SNTG2: variants seen among roughly 807,000 people sequenced by gnomAD.
SNTG2 encodes the protein gamma-2-syntrophin.
In SNTG2, 74 loss-of-function variants were observed where a neutral mutation model predicts 70.9. The ratio of observed to expected loss-of-function variants is 1.04; its 90% CI spans 0.86 to 1.27. The LOEUF is 1.27. Ranked by LOEUF, SNTG2 falls within the 50% of genes most tolerant of loss-of-function variation. The pLI is 0.00. For missense variants in SNTG2, 717 were observed against 690.7 expected, an observed-to-expected ratio of 1.04 and a Z score of -0.43; for synonymous variants, 278 against 273.8, an observed-to-expected ratio of 1.02 and a Z score of -0.15.
chr2:1,006,174 G>A (rs183573212), intron 1 of SNTG2, among the ~76,000 whole-genome samples: 14 of 118,860 alleles, frequency 1.2e-4, no homozygotes, highest in Non-Finnish European at 6.7e-5. Flanking sequence ...GTGGTGGGGT[G>A]GGGGGAGGGA....
intron 1 of SNTG2, among the ~76,000 whole-genome samples, chr2:1,063,329 A>C (rs1406772227): frequency 5.9e-5 from 9 of 152,176 alleles, no homozygotes; most frequent in African/African-American, 2.2e-4. Flanking sequence ...AGTGGGGTGC[A>C]CAGACTTCCC....
chr2:1,043,070 C>T (rs926880198), intron 1 of SNTG2, among the ~76,000 whole-genome samples: 2 of 152,108 alleles, frequency 1.3e-5, no homozygotes, highest in Non-Finnish European at 2.9e-5. Context: ...ATTCTGACAG[C>T]TGTGAGATGA....
At chr2:1,071,916 C>G (rs1663585943) in intron 1 of SNTG2, among the ~76,000 whole-genome samples, 1 of 152,212 alleles carries the variant, frequency 6.6e-6, no homozygotes, top group Non-Finnish European at 1.5e-5. Flanking sequence ...GAGCCTAATC[C>G]ATAGCAAGGC....
intron 6 of SNTG2, among the ~76,000 whole-genome samples, chr2:1,161,876 C>T (rs1434196104): frequency 6.6e-6 from 1 of 152,034 alleles, no homozygotes; most frequent in Admixed American, 6.5e-5. Context: ...AGATCGAGAC[C>T]ATCCTGGCTA....
chr2:967,557 T>G (rs527545235), intron 1 of SNTG2, among the ~76,000 whole-genome samples: 1 of 152,338 alleles, frequency 6.6e-6, no homozygotes, highest in Admixed American at 6.5e-5. Context: ...ATAAATCCCC[T>G]TTGGTCACAA....
At chr2:1,074,785 TAA>T (rs1392086353) in intron 1 of SNTG2, among the ~76,000 whole-genome samples, 1 of 152,110 alleles carries the variant, frequency 6.6e-6, no homozygotes, top group African/African-American at 2.4e-5. Context: ...TAGCAGAACC[TAA>T]AAAAATGTAA....
At chr2:970,892 G>GA (rs1660717944) in intron 1 of SNTG2, among the ~76,000 whole-genome samples, 1 of 152,122 alleles carries the variant, frequency 6.6e-6, no homozygotes, top group Admixed American at 6.5e-5. Context: ...AAAAACACAT[G>GA]AAAAAATGCT....
intron 14 of SNTG2, among the ~76,000 whole-genome samples, chr2:1,282,243 G>GTT (rs996994516): frequency 2.4e-4 from 37 of 152,278 alleles, no homozygotes; most frequent in African/African-American, 7.0e-4. Flanking sequence ...TAGGGGAGTA[G>GTT]TTTACGTGCA....
intron 14 of SNTG2, among the ~76,000 whole-genome samples, chr2:1,307,335 TGG>T (rs1158272187): frequency 7.1e-6 from 1 of 140,816 alleles, no homozygotes. Flanking sequence ...TGTGTGTGTG[TGG>T]TGTATGAGCC....
chr2:1,109,183 G>A (rs2148241585), intron 4 of SNTG2, among the ~76,000 whole-genome samples: 1 of 152,096 alleles, frequency 6.6e-6, no homozygotes, highest in Non-Finnish European at 1.5e-5. Flanking sequence ...GGCTTGCGAA[G>A]TCCCCTAAGC....
intron 1 of SNTG2, among the ~76,000 whole-genome samples, chr2:960,364 T>G (rs2147944805): frequency 6.6e-6 from 1 of 152,356 alleles, no homozygotes; most frequent in East Asian, 1.9e-4. Flanking sequence ...CTTTGTTCTC[T>G]CCTTTGTTGG....
At chr2:1,162,045 G>A (rs950422118) in intron 6 of SNTG2, among the ~76,000 whole-genome samples, 14 of 125,260 alleles carry the variant, frequency 1.1e-4, no homozygotes, top group Non-Finnish European at 2.2e-4. Context: ...CTGCACTCCA[G>A]CCTGGGCGAC....
chr2:1,002,680 G>T (rs866228558), intron 1 of SNTG2, among the ~76,000 whole-genome samples: 1 of 136,456 alleles, frequency 7.3e-6, no homozygotes, highest in South Asian at 2.2e-4. Flanking sequence ...AAAAGGGTAT[G>T]AATATTTCTC....
intron 8 of SNTG2, among the ~76,000 whole-genome samples, chr2:1,181,380 A>G (rs1270378946): frequency 1.3e-5 from 2 of 152,218 alleles, no homozygotes; most frequent in Non-Finnish European, 2.9e-5. Context: ...GAAACTTTCT[A>G]GACTCAAAGG....
intron 14 of SNTG2, among the ~76,000 whole-genome samples, chr2:1,289,345 GC>G (rs1644168603): frequency 6.6e-6 from 1 of 151,944 alleles, no homozygotes; most frequent in African/African-American, 2.4e-5. Context: ...ACTGGGTGCT[GC>G]GTGCACTCAG....
intron 9 of SNTG2, among the ~76,000 whole-genome samples, chr2:1,234,196 G>A (rs539403789): frequency 5.9e-5 from 9 of 152,296 alleles, no homozygotes; most frequent in East Asian, 5.8e-4. Context: ...TGGAAGAAGC[G>A]GCTCCTGATC....
At chr2:1,258,597 C>G (rs1457266477) in intron 12 of SNTG2, among the ~76,000 whole-genome samples, 1 of 152,156 alleles carries the variant, frequency 6.6e-6, no homozygotes, top group Non-Finnish European at 1.5e-5. Flanking sequence ...GTTTCAAAGA[C>G]ATAATTCCGT....
chr2:1,308,148 A>G (rs1680796263), intron 14 of SNTG2, among the ~76,000 whole-genome samples: 1 of 152,198 alleles, frequency 6.6e-6, no homozygotes, highest in African/African-American at 2.4e-5. Context: ...ACAATGAGCT[A>G]GCAGAAAGAA....
At chr2:1,104,832 G>A (rs556010248) in intron 4 of SNTG2, among the ~76,000 whole-genome samples, 1 of 152,292 alleles carries the variant, frequency 6.6e-6, no homozygotes, top group South Asian at 2.1e-4. Flanking sequence ...TCCTCCCGTG[G>A]CACCATCCTT....
Sources: allele counts gnomAD v4.1 joint callset (sites outside exome capture counted in the v4.1 genomes callset), GRCh38; gene constraint gnomAD v4.1.1; transcripts MANE v1.5; gene names NCBI Gene and HGNC (gene_info 2026-07-23, HGNC 2026-07-21).